Variants in ALK observed in about 807,000 individuals in gnomAD.
ALK encodes the protein ALK tyrosine kinase receptor.
A neutral mutation model predicts 163.1 loss-of-function variants in ALK; 74 were observed. The ratio of observed to expected loss-of-function variants is 0.45; its 90% confidence interval spans 0.38 to 0.55. ALK has a LOEUF of 0.55. Ranked by LOEUF, ALK falls within the 20% of genes least tolerant of loss-of-function variation. The pLI is 0.00. For missense variants in ALK, 2,063 were observed against 2,105.3 expected, an observed-to-expected ratio of 0.98 and a Z score of 0.39; for synonymous variants, 960 against 843.2, an observed-to-expected ratio of 1.14 and a Z score of -2.40.
At chr2:29,429,586 T>A (rs1296654102) in intron 4 of ALK, among the ~76,000 whole-genome samples, 1 of 151,880 alleles carries the variant, frequency 6.6e-6, no homozygotes, top group Admixed American at 6.6e-5. Flanking sequence ...CAAATAAGAT[T>A]TAAATAAATG....
chr2:29,594,337 C>T (rs1046776042), intron 3 of ALK, among the ~76,000 whole-genome samples: 4 of 151,542 alleles, frequency 2.6e-5, no homozygotes, highest in African/African-American at 9.7e-5. Context: ...ACTCCACATT[C>T]GGTAAAATCA....
chr2:29,679,946 G>A (rs1678012625), intron 3 of ALK, among the ~76,000 whole-genome samples: 1 of 151,922 alleles, frequency 6.6e-6, no homozygotes, highest in South Asian at 2.1e-4. Flanking sequence ...TTAAAGGTTA[G>A]TTTTGCTTGA....
chr2:29,376,500 T>C (rs983871711), intron 5 of ALK, among the ~76,000 whole-genome samples: 1 of 152,222 alleles, frequency 6.6e-6, no homozygotes, highest in East Asian at 1.9e-4. Flanking sequence ...CAGAAACAAC[T>C]ATTTTATATT....
chr2:29,609,951 T>A (rs529376806), intron 3 of ALK, among the ~76,000 whole-genome samples: 60 of 152,040 alleles, frequency 3.9e-4, no homozygotes, highest in African/African-American at 1.2e-3. Flanking sequence ...CTAGATTTAC[T>A]CTCATACAAT....
intron 1 of ALK, among the ~76,000 whole-genome samples, chr2:29,748,865 C>A (rs1036913517): frequency 6.6e-6 from 1 of 152,136 alleles, no homozygotes; most frequent in Non-Finnish European, 1.5e-5. Context: ...CGTGCCTCAG[C>A]CTCCCAAGTA....
At chr2:29,318,474 T>C in intron 7 of ALK, 70 bp from the exon 8 acceptor site, 1 of 1,087,372 alleles carries the variant, frequency 9.2e-7, no homozygotes, top group South Asian at 1.3e-5. Context: ...GCAGGGTTAA[T>C]GGACTGTGCA....
rs565058961 is a variant in ALK at position 29,427,552 on chromosome 2, A to G, written c.1155-43693T>C. ...ACTACTAAGAAAAAAACTCAATAGA[A>G]TGTCGAGAAAAAAATCATTAAACAA... On this transcript the variant is annotated intron_variant, in intron 4 of 28. Coordinates refer to ENST00000389048, the MANE Select transcript of ALK (RefSeq NM_004304.5). Among the ~76,000 whole-genome samples, 373 of 152,200 alleles carry G rather than the reference A, an allele frequency of 2.5e-3. 3 individuals are homozygous for G. Among genetic ancestry groups the G allele is most frequent in the African/African-American group, 8.4e-3 (350 of 41,544 alleles).
chr2:29,614,395 T>C (rs1675782758), intron 3 of ALK, among the ~76,000 whole-genome samples: 1 of 152,222 alleles, frequency 6.6e-6, no homozygotes, highest in Non-Finnish European at 1.5e-5. Context: ...TGGTAGGCCC[T>C]GTGAAAGGCT....
chr2:29,599,726 A>G (rs994031507), intron 3 of ALK, among the ~76,000 whole-genome samples: 2 of 152,252 alleles, frequency 1.3e-5, no homozygotes, highest in African/African-American at 4.8e-5. Context: ...GTGTAAAAAG[A>G]GTTAATAGAT....
At chr2:29,303,721 T>C (rs1208042124) in intron 8 of ALK, among the ~76,000 whole-genome samples, 1 of 152,232 alleles carries the variant, frequency 6.6e-6, no homozygotes. Context: ...AAAGAAGTCA[T>C]GTCCTTTGCA....
chr2:29,807,130 G>A (rs550184244), intron 1 of ALK, among the ~76,000 whole-genome samples: 2 of 152,186 alleles, frequency 1.3e-5, no homozygotes, highest in Non-Finnish European at 2.9e-5. Context: ...ATAGTGCCTT[G>A]AGTCTTTATG....
rs537638635 is a variant in ALK, at chr2:29,682,523, T to A, written c.952+12327A>T. Among the ~76,000 whole-genome samples, 4 of 152,322 alleles carry A rather than the reference T, an allele frequency of 2.6e-5. No homozygotes were observed. The East Asian group carries it at 7.7e-4, about 29-fold the overall frequency. On this transcript the variant is annotated intron_variant, in intron 3 of 28. Coordinates refer to ENST00000389048, the MANE Select transcript of ALK (RefSeq NM_004304.5). ...TGCACTGCCTGGGTACATACCACTATAGAATGAATTCCTTTTGGGTATCAA... is the reference window on the plus strand; with the variant it reads ...TGCACTGCCTGGGTACATACCACTAAAGAATGAATTCCTTTTGGGTATCAA...
chr2:29,661,218 C>T (rs1677336452), intron 3 of ALK, among the ~76,000 whole-genome samples: 1 of 152,154 alleles, frequency 6.6e-6, no homozygotes, highest in Non-Finnish European at 1.5e-5. Context: ...TTAAGCATCT[C>T]AATGGAAGTC....
At chr2:29,672,214 T>C (rs970046736) in intron 3 of ALK, among the ~76,000 whole-genome samples, 4 of 151,936 alleles carry the variant, frequency 2.6e-5, no homozygotes, top group African/African-American at 9.7e-5. Flanking sequence ...TTAGGGTACA[T>C]GTGCACATTG....
intron 5 of ALK, among the ~76,000 whole-genome samples, chr2:29,371,472 T>C (rs1179637086): frequency 6.6e-6 from 1 of 152,156 alleles, no homozygotes; most frequent in East Asian, 1.9e-4. Context: ...AGGGAGGAAG[T>C]AAAATGTCTC....
At chr2:29,642,147 A>G (rs1361216908) in intron 3 of ALK, among the ~76,000 whole-genome samples, 3 of 152,166 alleles carry the variant, frequency 2.0e-5, no homozygotes, top group African/African-American at 4.8e-5. Context: ...GCCCCACCCC[A>G]GAACTGCTGA....
intron 1 of ALK, among the ~76,000 whole-genome samples, chr2:29,810,552 G>A (rs1412355808): frequency 6.6e-6 from 1 of 152,152 alleles, no homozygotes; most frequent in Non-Finnish European, 1.5e-5. Context: ...GAGGGCCTGG[G>A]AGAACAATGT....
At chr2:29,880,955 C>T (rs1232284151) in intron 1 of ALK, among the ~76,000 whole-genome samples, 1 of 152,172 alleles carries the variant, frequency 6.6e-6, no homozygotes, top group Non-Finnish European at 1.5e-5. Context: ...TTTTAGTAGT[C>T]TAGATCTGGC....
chr2:29,636,283 A>C (rs1057198660), intron 3 of ALK, among the ~76,000 whole-genome samples: 1 of 152,104 alleles, frequency 6.6e-6, no homozygotes, highest in Non-Finnish European at 1.5e-5. Flanking sequence ...GGCTTGCAAC[A>C]AATAATAAAT....
Sources: allele counts gnomAD v4.1 joint callset (sites outside exome capture counted in the v4.1 genomes callset), GRCh38; gene constraint gnomAD v4.1.1; transcripts MANE v1.5; gene names NCBI Gene and HGNC (gene_info 2026-07-23, HGNC 2026-07-21).